The following PDE4D variants were observed in gnomAD, a reference collection of about 807,000 sequenced individuals.
The protein encoded by PDE4D is phosphodiesterase 4D.
PDE4D carries 24 observed loss-of-function variants against 87.4 expected under a neutral mutation model. That is an observed-to-expected ratio of 0.27 (90% CI 0.20 to 0.39). PDE4D has a LOEUF of 0.39. Ranked by LOEUF, PDE4D falls within the 10% of genes least tolerant of loss-of-function variation. The pLI is 1.00. For missense variants in PDE4D, 714 were observed against 1,041.0 expected (o/e 0.69, Z 4.32); for synonymous variants, 384 against 383.2 (o/e 1.00, Z -0.02).
At chr5:60,043,817 G>T (rs975272880) in intron 2 of PDE4D, among the ~76,000 whole-genome samples, 8 of 152,112 alleles carry the variant, frequency 5.3e-5, no homozygotes, top group African/African-American at 1.7e-4. Flanking sequence ...TTCAAGGCAG[G>T]TCTACTGGTG....
intron 1 of PDE4D, among the ~76,000 whole-genome samples, chr5:59,585,917 C>T (rs1324661219): frequency 1.3e-5 from 2 of 152,176 alleles, no homozygotes; most frequent in Non-Finnish European, 2.9e-5. Flanking sequence ...TTTCCCTTAA[C>T]CTTCTTTTAG....
At chr5:59,667,473 CT>C in intron 1 of PDE4D, among the ~76,000 whole-genome samples, 1 of 152,146 alleles carries the variant, frequency 6.6e-6, no homozygotes, top group Non-Finnish European at 1.5e-5. Flanking sequence ...CATTACTTTG[CT>C]TCCAAGTTAG....
At chr5:59,751,657 A>C (rs902109730) in intron 1 of PDE4D, among the ~76,000 whole-genome samples, 1 of 151,236 alleles carries the variant, frequency 6.6e-6, no homozygotes, top group Admixed American at 6.6e-5. Context: ...AGAGAGAGAG[A>C]TGTTAGCAAT....
At chr5:60,230,189 C>T (rs1745633517) in intron 1 of PDE4D, among the ~76,000 whole-genome samples, 1 of 152,028 alleles carries the variant, frequency 6.6e-6, no homozygotes, top group Non-Finnish European at 1.5e-5. Context: ...TTTTAAAAAA[C>T]AATGATTTTA....
intron 1 of PDE4D, among the ~76,000 whole-genome samples, chr5:59,809,659 C>A (rs932049154): frequency 1.3e-5 from 2 of 152,094 alleles, no homozygotes; most frequent in South Asian, 4.2e-4. Flanking sequence ...ACTGTGCAGG[C>A]GGAGCTCAAG....
chr5:59,402,792 T>G (rs943226170), intron 1 of PDE4D, among the ~76,000 whole-genome samples: 2 of 152,194 alleles, frequency 1.3e-5, no homozygotes, highest in Non-Finnish European at 1.5e-5. Flanking sequence ...TTTTTTAAAT[T>G]CCATATTTCT....
intron 1 of PDE4D, among the ~76,000 whole-genome samples, chr5:59,480,255 G>A (rs1169411056): frequency 6.6e-6 from 1 of 151,484 alleles, no homozygotes; most frequent in Non-Finnish European, 1.5e-5. Flanking sequence ...TTATCAAAAA[G>A]GATAGAATAG....
chr5:59,015,879 G>A (rs6888474), intron 6 of PDE4D, among the ~76,000 whole-genome samples: 15,638 of 152,106 alleles, frequency 0.1, 1,279 homozygotes, highest in East Asian at 0.47. Context: ...CAACCCAAAT[G>A]TCCACCAATG....
At chr5:59,740,429 ACTT>A (rs1758669430) in intron 1 of PDE4D, among the ~76,000 whole-genome samples, 1 of 152,204 alleles carries the variant, frequency 6.6e-6, no homozygotes, top group South Asian at 2.1e-4. Flanking sequence ...TGTCTTGACG[ACTT>A]GGCAACAATA....
intron 1 of PDE4D, among the ~76,000 whole-genome samples, chr5:59,720,928 T>C (rs923365737): frequency 6.6e-6 from 1 of 152,172 alleles, no homozygotes; most frequent in East Asian, 1.9e-4. Context: ...TTGGGTTCTA[T>C]ACAAATGTAG....
chr5:60,364,082 C>T (rs1760316055), intron 1 of PDE4D, among the ~76,000 whole-genome samples: 1 of 152,204 alleles, frequency 6.6e-6, no homozygotes, highest in Non-Finnish European at 1.5e-5. Context: ...ATTGGTCAAA[C>T]TTCTCAATAT....
At position 58,969,688 on chromosome 5, in the gene PDE4D, A is replaced by G. The variant is rs1215368774; in HGVS notation, c.*4976T>C. On this transcript the variant is annotated 3_prime_UTR_variant, in exon 15 of 15. Transcript: ENST00000340635. ...TTGTCCCCTCCAGACTGTAAGCTCC[A>G]TGAAAGCAAACACTGTGTCTCATTA... 1 of 152,206 alleles carries G rather than the reference A, an allele frequency of 6.6e-6. No homozygotes were observed. Among genetic ancestry groups the G allele is most frequent in the Non-Finnish European group, 1.5e-5 (1 of 68,040 alleles). 9.4% of individuals were successfully genotyped at this position (152,206 alleles called of 1,614,324 possible).
At chr5:60,470,617 A>G (rs1747742311) in intron 1 of PDE4D, among the ~76,000 whole-genome samples, 1 of 152,180 alleles carries the variant, frequency 6.6e-6, no homozygotes, top group Admixed American at 6.5e-5. Context: ...TTTAAATTGA[A>G]GCCAATTCTC....
intron 1 of PDE4D, among the ~76,000 whole-genome samples, chr5:59,420,109 G>A (rs1055264647): frequency 2.6e-5 from 4 of 152,096 alleles, no homozygotes; most frequent in South Asian, 2.1e-4. Context: ...AATTTGCATC[G>A]GTAAGTCCTT....
At position 59,193,690 on chromosome 5, in the gene PDE4D, T is replaced by C. The variant is rs982512620; in HGVS notation, c.648-154A>G. ...TTCAGCACATGTTCTTCCCAGCAAC[T>C]GGGTTAAAAATATGTCTTCTGGGAT... On this transcript the variant is annotated intron_variant, in intron 2 of 14. Transcript: ENST00000340635. 1.1e-5 allele frequency: 11 copies of C among 985,286 alleles called. No homozygotes were observed. The Admixed American group carries it at 6.8e-4, about 61-fold the overall frequency. The allele number at this position is 985,286 out of a possible 1,614,324, so 61.0% of individuals were successfully genotyped here. A position where few individuals can be genotyped will look rare whatever the true frequency, so the allele number is the denominator to read the frequency against.
intron 1 of PDE4D, among the ~76,000 whole-genome samples, chr5:60,267,239 G>C (rs951683436): frequency 6.6e-6 from 1 of 152,244 alleles, no homozygotes; most frequent in Admixed American, 6.5e-5. Flanking sequence ...TCTTCATCAG[G>C]GCCAGTTATT....
chr5:60,218,815 T>C (rs1744166691), intron 1 of PDE4D, among the ~76,000 whole-genome samples: 1 of 152,092 alleles, frequency 6.6e-6, no homozygotes, highest in African/African-American at 2.4e-5. Flanking sequence ...CCAAAATGCA[T>C]TTACATGCTC....
intron 2 of PDE4D, among the ~76,000 whole-genome samples, chr5:60,146,168 C>T (rs989094484): frequency 2.6e-5 from 4 of 152,140 alleles, no homozygotes; most frequent in East Asian, 3.9e-4. Context: ...GAGCCAAGCT[C>T]GCGCCACTGC....
At chr5:60,421,217 G>T (rs1743067227) in intron 1 of PDE4D, among the ~76,000 whole-genome samples, 1 of 152,230 alleles carries the variant, frequency 6.6e-6, no homozygotes, top group South Asian at 2.1e-4. Context: ...TTTGAGAACG[G>T]ACAGACTGCC....
Sources: allele counts gnomAD v4.1 joint callset (sites outside exome capture counted in the v4.1 genomes callset), GRCh38; gene constraint gnomAD v4.1.1; transcripts MANE v1.5; gene names NCBI Gene and HGNC (gene_info 2026-07-23, HGNC 2026-07-21).